GPR158: variants seen among roughly 807,000 people sequenced by gnomAD.
GPR158 encodes the protein metabotropic glycine receptor.
A neutral mutation model predicts 78.2 loss-of-function variants in GPR158; 30 were observed. The ratio of observed to expected loss-of-function variants is 0.38; its 90% CI spans 0.29 to 0.52. The LOEUF is 0.52. GPR158 is among the 20% of genes least tolerant of loss of function. GPR158 has a pLI of 0.83. For missense variants in GPR158, 1,463 were observed against 1,523.5 expected (o/e 0.96, Z 0.66); for synonymous variants, 581 against 591.1 (o/e 0.98, Z 0.25).
chr10:25,445,211 A>G (rs1484643535), intron 4 of GPR158, among the ~76,000 whole-genome samples: 3 of 152,340 alleles, frequency 2.0e-5, no homozygotes, highest in South Asian at 2.1e-4. Flanking sequence ...TTGATTCTAA[A>G]TGGAAAAATT....
chr10:25,495,226 G>A (rs1835863726), intron 5 of GPR158, among the ~76,000 whole-genome samples: 1 of 148,746 alleles, frequency 6.7e-6, no homozygotes, highest in Admixed American at 6.7e-5. Flanking sequence ...GACTTAACAG[G>A]TAAAAATTCG....
At chr10:25,187,631 C>G (rs1217759626) in intron 1 of GPR158, among the ~76,000 whole-genome samples, 1 of 152,108 alleles carries the variant, frequency 6.6e-6, no homozygotes, top group African/African-American at 2.4e-5. Context: ...TGGGATGTAT[C>G]TCAAAATAAT....
At chr10:25,267,733 C>T (rs573660174) in intron 2 of GPR158, among the ~76,000 whole-genome samples, 1 of 150,840 alleles carries the variant, frequency 6.6e-6, no homozygotes, top group Admixed American at 6.6e-5. Context: ...TGTGGTTGAA[C>T]CCAATGTTGT....
chr10:25,486,015 T>C (rs1278579092), intron 5 of GPR158, among the ~76,000 whole-genome samples: 1 of 152,126 alleles, frequency 6.6e-6, no homozygotes, highest in East Asian at 1.9e-4. Context: ...AGAAGAAAGC[T>C]ATCTCTGAGG....
At chr10:25,353,694 T>G (rs189283986) in intron 2 of GPR158, among the ~76,000 whole-genome samples, 1 of 152,222 alleles carries the variant, frequency 6.6e-6, no homozygotes. Context: ...CTTTTTAGGT[T>G]TCAAATTTTA....
chr10:25,560,799 A>G (rs1465109309), intron 6 of GPR158, among the ~76,000 whole-genome samples: 3 of 152,214 alleles, frequency 2.0e-5, no homozygotes, highest in African/African-American at 7.2e-5. Context: ...AAGTAGAGCA[A>G]TTAGGTCTTA....
chr10:25,316,914 T>A (rs1854861941), intron 2 of GPR158, among the ~76,000 whole-genome samples: 1 of 71,788 alleles, frequency 1.4e-5, no homozygotes, highest in South Asian at 5.0e-4. Context: ...TGTGTGTTTA[T>A]GTGTGTGTGT....
At chr10:25,256,913 A>G (rs1853896625) in intron 2 of GPR158, among the ~76,000 whole-genome samples, 1 of 152,206 alleles carries the variant, frequency 6.6e-6, no homozygotes, top group Non-Finnish European at 1.5e-5. Flanking sequence ...ACGTTTAGAT[A>G]GAGATAAACC....
At chr10:25,289,076 G>A (rs1470393694) in intron 2 of GPR158, among the ~76,000 whole-genome samples, 1 of 152,162 alleles carries the variant, frequency 6.6e-6, no homozygotes, top group African/African-American at 2.4e-5. Context: ...TTGGCCTCTG[G>A]CAAATGTTTT....
chr10:25,580,941 G>T (rs185484310), intron 7 of GPR158, among the ~76,000 whole-genome samples: 1 of 120,670 alleles, frequency 8.3e-6, no homozygotes. Flanking sequence ...TTTTTGAGAC[G>T]GAGTCTCGCT....
At chr10:25,256,389 C>A (rs111583763) in intron 2 of GPR158, among the ~76,000 whole-genome samples, 9 of 152,110 alleles carry the variant, frequency 5.9e-5, no homozygotes, top group Non-Finnish European at 1.0e-4. Flanking sequence ...CAGTGGCTAA[C>A]GCCTATAAAC....
At chr10:25,552,381 G>T (rs1422116325) in intron 6 of GPR158, among the ~76,000 whole-genome samples, 1 of 152,088 alleles carries the variant, frequency 6.6e-6, no homozygotes, top group Non-Finnish European at 1.5e-5. Flanking sequence ...GCTCACCAAA[G>T]AAAAGGAGAA....
In GPR158 at chr10:25,176,206, C is replaced by A; in HGVS notation, c.786C>A (p.His262Gln). The A allele has an allele frequency of 7.6e-6, 12 of 1,589,174 alleles. No individual in the cohort carries two copies. Among genetic ancestry groups the A allele is most frequent in the Non-Finnish European group, 1.0e-5 (12 of 1,168,908 alleles). ...RKDGLGGDKS[H>Q]FKWSPPYLEC... Reference sequence around the variant, plus strand: ...ACGGGCTCGGCGGGGACAAGAGCCACTTCAAGTGGTCTCCGCCTTATCTGG... The same window carrying A: ...ACGGGCTCGGCGGGGACAAGAGCCAATTCAAGTGGTCTCCGCCTTATCTGG... The change falls in exon 1 of 11, where the codon CAC becomes CAA. Residue 262 changes from histidine (H) to glutamine (Q), a missense_variant. Physicochemically the swap from His to Gln is conservative, Grantham distance 24. Transcript: ENST00000376351. This position sits in a 1 kb window ranked among gnomAD's most constrained non-coding sequence, Gnocchi z 6.3.
intron 2 of GPR158, among the ~76,000 whole-genome samples, chr10:25,227,041 A>G (rs1853382928): frequency 6.6e-6 from 1 of 152,000 alleles, no homozygotes; most frequent in African/African-American, 2.4e-5. Flanking sequence ...ATCTCATTTG[A>G]TTTTGTTACA....
In GPR158 at chr10:25,241,409, C is replaced by CTCTTCTCTTCTCTTCTCTTT. The variant is rs1302467821; in HGVS notation, c.1008+20256_1008+20257insCTCTTCTCTTCTCTTTTCTT. Among the ~76,000 whole-genome samples the CTCTTCTCTTCTCTTCTCTTT allele has an allele frequency of 3.7e-3, 403 of 108,092 alleles. 4 individuals carry two copies. Among genetic ancestry groups the CTCTTCTCTTCTCTTCTCTTT allele is most frequent in the Non-Finnish European group, 6.9e-3 (344 of 50,008 alleles). The allele number at this position is 108,092 out of a possible 152,430, so 70.9% of individuals were successfully genotyped here. A position where few individuals can be genotyped will look rare whatever the true frequency, so the allele number is the denominator to read the frequency against. ...CTCTTCTCTTCTCTTCTCTTCTCTT[C>CTCTTCTCTTCTCTTCTCTTT]TCTTTTCTTTTCTTTTCTTTTCTTT... On this transcript the variant is annotated intron_variant, in intron 2 of 10. Coordinates refer to ENST00000376351, the MANE Select transcript of GPR158 (RefSeq NM_020752.3).
At chr10:25,389,337 A>G (rs889971543) in intron 2 of GPR158, among the ~76,000 whole-genome samples, 5 of 152,100 alleles carry the variant, frequency 3.3e-5, no homozygotes, top group Admixed American at 2.0e-4. Context: ...CTCTTTGCTG[A>G]GGGCTGAGGA....
chr10:25,400,339 T>C lies in GPR158; in HGVS notation c.1111+4326T>C, dbSNP rs148196140. On this transcript the variant is annotated intron_variant, in intron 3 of 10. Transcript: ENST00000376351. ...TTGTGGCCCCTTTGGAGAGAGGAGC[T>C]AAGACGTGGTGCTGATCTCTTAGAG... Among the ~76,000 whole-genome samples, 744 of 152,292 alleles carry C rather than the reference T, an allele frequency of 4.9e-3. 12 individuals are homozygous for C. Among genetic ancestry groups the C allele is most frequent in the African/African-American group, 0.017 (686 of 41,558 alleles).
At chr10:25,275,687 C>A (rs1329013471) in intron 2 of GPR158, among the ~76,000 whole-genome samples, 1 of 152,120 alleles carries the variant, frequency 6.6e-6, no homozygotes, top group Non-Finnish European at 1.5e-5. Flanking sequence ...ATTTATATAG[C>A]CCTCTGCCAT....
At chr10:25,186,412 C>CA (rs1237480180) in intron 1 of GPR158, among the ~76,000 whole-genome samples, 2 of 151,960 alleles carry the variant, frequency 1.3e-5, no homozygotes, top group Admixed American at 6.6e-5. Flanking sequence ...AAAAACCCTT[C>CA]AAAAAATCAG....
Sources: gnomAD v4.1 joint callset for allele counts (sites outside exome capture counted in the v4.1 genomes callset) on GRCh38, gnomAD v4.1.1 for gene constraint, Gnocchi (gnomAD v3.1) non-coding constraint, MANE v1.5 for transcripts, NCBI Gene and HGNC (gene_info 2026-07-23, HGNC 2026-07-21) for gene names.